SEZ6L: variants seen among roughly 807,000 people sequenced by gnomAD.
SEZ6L encodes the protein seizure related 6 homolog like.
In SEZ6L, 37 loss-of-function variants were observed where a neutral mutation model predicts 106.2. The observed-to-expected ratio is 0.35, with a 90% CI of 0.27 to 0.46. SEZ6L has a LOEUF of 0.46. SEZ6L is among the 20% of genes least tolerant of loss of function. SEZ6L has a pLI of 1.00. For missense variants in SEZ6L, 1,172 were observed against 1,332.8 expected (o/e 0.88, Z 1.88); for synonymous variants, 541 against 570.4 (o/e 0.95, Z 0.73).
chr22:26,365,544 C>A lies in SEZ6L; in HGVS notation c.2772C>A (p.Asn924Lys). Residue 924 changes from asparagine to lysine, a missense_variant, in exon 13 of 17, where the codon AAC becomes AAA. This residue lies in a region of SEZ6L where 141 missense variants were observed against 176.0 expected (regional missense o/e 0.80). Coordinates refer to ENST00000248933, the MANE Select transcript of SEZ6L (RefSeq NM_021115.5). The part of the protein sequence containing the change: ...RCILGQPSHW[N>K]GPLPVCKVNQ... ...TCCTGGGACAGCCATCCCACTGGAA[C>A]GGGCCCCTGCCCGTGTGTAAAGGTA... 1 of 1,613,956 alleles carries A rather than the reference C, an allele frequency of 6.2e-7. No individual in the cohort carries two copies. The highest frequency in any genetic ancestry group is 8.5e-7 in the Non-Finnish European group (1 of 1,179,906).
chr22:26,273,495 G>A (rs2080438992), intron 1 of SEZ6L, among the ~76,000 whole-genome samples: 2 of 152,278 alleles, frequency 1.3e-5, no homozygotes, highest in South Asian at 2.1e-4. Flanking sequence ...CACATCCGAG[G>A]CATTGTTCTT....
chr22:26,367,787 C>CTAA (rs2083871925), intron 13 of SEZ6L, among the ~76,000 whole-genome samples: 2 of 152,158 alleles, frequency 1.3e-5, no homozygotes, highest in Non-Finnish European at 1.5e-5. Flanking sequence ...TCTGCAAACC[C>CTAA]TAATACTCTT....
intron 1 of SEZ6L, among the ~76,000 whole-genome samples, chr22:26,215,503 G>A (rs997142027): frequency 3.9e-5 from 6 of 152,012 alleles, no homozygotes; most frequent in Admixed American, 6.5e-5. Context: ...GAGGCGATTC[G>A]TTTTGTTTCC....
chr22:26,328,171 C>G (rs1410092103), intron 9 of SEZ6L, among the ~76,000 whole-genome samples: 2 of 152,128 alleles, frequency 1.3e-5, no homozygotes, highest in Non-Finnish European at 2.9e-5. Context: ...AAACTGAGAC[C>G]CGGGTTGGGA....
At chr22:26,260,560 A>G (rs929977514) in intron 1 of SEZ6L, among the ~76,000 whole-genome samples, 1 of 152,166 alleles carries the variant, frequency 6.6e-6, no homozygotes, top group Non-Finnish European at 1.5e-5. Context: ...GAATTGATAT[A>G]TTACATATAG....
intron 14 of SEZ6L, 113 bp downstream of exon 14, chr22:26,373,596 C>T: frequency 1.2e-6 from 1 of 809,566 alleles, no homozygotes. Flanking sequence ...ATAAATTCTA[C>T]CTTCAGACTG....
chr22:26,373,508 A>AG, intron 14 of SEZ6L, 25 bp downstream of exon 14: 1 of 1,579,238 alleles, frequency 6.3e-7, no homozygotes, highest in South Asian at 1.2e-5. Flanking sequence ...GAAAAAAAAA[A>AG]AAGTTCAATA....
chr22:26,254,065 C>T (rs1317278201), intron 1 of SEZ6L: 6 of 152,234 alleles, frequency 3.9e-5, no homozygotes, highest in Non-Finnish European at 8.8e-5. Context: ...TGAGGGACCA[C>T]ATTACACCAA....
chr22:26,301,467 TA>T (rs2081452616), intron 5 of SEZ6L, among the ~76,000 whole-genome samples: 1 of 151,994 alleles, frequency 6.6e-6, no homozygotes, highest in African/African-American at 2.4e-5. Context: ...TGTAAATGAG[TA>T]AACAAGGATG....
chr22:26,282,605 G>A (rs973711458), intron 1 of SEZ6L, among the ~76,000 whole-genome samples: 2 of 152,164 alleles, frequency 1.3e-5, no homozygotes, highest in South Asian at 2.1e-4. Context: ...TGAGGCAGGT[G>A]AAAGGTTGGG....
At chr22:26,338,246 G>A (rs966134569) in intron 9 of SEZ6L, among the ~76,000 whole-genome samples, 2 of 152,176 alleles carry the variant, frequency 1.3e-5, no homozygotes, top group Admixed American at 1.3e-4. Context: ...GGCTCTTTAA[G>A]CCCTTCATGA....
intron 1 of SEZ6L, among the ~76,000 whole-genome samples, chr22:26,251,225 T>C (rs1373721841): frequency 2.6e-5 from 4 of 152,242 alleles, no homozygotes; most frequent in Non-Finnish European, 5.9e-5. Flanking sequence ...GTTCTAGTTC[T>C]TAAAGGAAAA....
intron 12 of SEZ6L, among the ~76,000 whole-genome samples, chr22:26,360,863 AG>A (rs911235372): frequency 5.9e-5 from 9 of 151,852 alleles, no homozygotes; most frequent in African/African-American, 1.9e-4. Flanking sequence ...GGAACATTGG[AG>A]GAACAGAGTC....
Position 26,373,467 on chromosome 22 carries a change from T to C in SEZ6L, c.2811T>C (p.Phe937=), listed in dbSNP as rs964203178. Residue 937 remains phenylalanine, a synonymous_variant, in exon 14 of 17, where the codon TTT becomes TTC. Coordinates refer to ENST00000248933, the MANE Select transcript of SEZ6L (RefSeq NM_021115.5). ...LPVCKVNQDS[F]EHALEVAEAA... is the part of the protein sequence containing the mutation. ...CTCTTTCAGTTAATCAAGACAGTTT[T>C]GAACATGCTTTAGAAGGTGAGTTCC... 1.2e-6 allele frequency: 2 copies of C among 1,602,820 alleles called. No individual in the cohort carries two copies. The highest frequency in any genetic ancestry group is 2.7e-5 in the African/African-American group (2 of 74,072).
At chr22:26,247,370 A>T (rs576474986) in intron 1 of SEZ6L, among the ~76,000 whole-genome samples, 1 of 152,266 alleles carries the variant, frequency 6.6e-6, no homozygotes, top group Non-Finnish European at 1.5e-5. Context: ...CTCAGGATGT[A>T]ACCTTATTTG....
At chr22:26,220,986 G>A (rs1172740318) in intron 1 of SEZ6L, among the ~76,000 whole-genome samples, 3 of 151,728 alleles carry the variant, frequency 2.0e-5, no homozygotes, top group Non-Finnish European at 4.4e-5. Context: ...AAGGAAGGTG[G>A]GAGGGAAGGA....
At chr22:26,199,302 C>T (rs978591475) in intron 1 of SEZ6L, among the ~76,000 whole-genome samples, 1 of 152,194 alleles carries the variant, frequency 6.6e-6, no homozygotes, top group Admixed American at 6.5e-5. Context: ...AGGGACTGAA[C>T]ACAGCTCCCA....
intron 1 of SEZ6L, among the ~76,000 whole-genome samples, chr22:26,239,996 G>A (rs1038572195): frequency 2.6e-5 from 4 of 151,338 alleles, no homozygotes; most frequent in Admixed American, 6.6e-5. Context: ...CTGGGGCTGG[G>A]GCTTCTTGAG....
In SEZ6L at chr22:26,203,681, C is replaced by T. The variant is rs116130620; in HGVS notation, c.94+33918C>T. Reference sequence around the variant, plus strand: ...ACTCTAGAATATGGACACTTTATTACTCCATGCTACAGTTAAAAAAAACTG... The same window carrying T: ...ACTCTAGAATATGGACACTTTATTATTCCATGCTACAGTTAAAAAAAACTG... On this transcript the variant is annotated intron_variant, in intron 1 of 16. Coordinates refer to ENST00000248933, the MANE Select transcript of SEZ6L (RefSeq NM_021115.5). 5.2e-3 allele frequency among the ~76,000 whole-genome samples: 794 copies of T among 152,280 alleles called. 9 individuals are homozygous for T. Among genetic ancestry groups the T allele is most frequent in the African/African-American group, 0.018 (727 of 41,532 alleles).
Sources: gnomAD v4.1 joint callset for allele counts (sites outside exome capture counted in the v4.1 genomes callset) on GRCh38, gnomAD v4.1.1 for gene constraint, gnomAD v4.1.1 regional missense constraint, MANE v1.5 for transcripts, NCBI Gene and HGNC (gene_info 2026-07-23, HGNC 2026-07-21) for gene names.